Variants in SLX4IP observed in about 807,000 individuals in gnomAD.
SLX4IP encodes protein SLX4IP.
Under a neutral mutation model 32.9 loss-of-function variants are expected in SLX4IP, and 34 were observed. That is an observed-to-expected ratio of 1.03 (90% CI 0.79 to 1.38). The LOEUF is 1.38. Among genes scored for constraint, SLX4IP ranks in the 40% most tolerant of loss-of-function variants. The pLI is 0.00. For missense variants in SLX4IP, 444 were observed against 479.0 expected (o/e 0.93, Z 0.68); for synonymous variants, 172 against 171.7 (o/e 1.00, Z -0.01).
chr20:10,601,065 AT>A (rs2066836144), intron 5 of SLX4IP, among the ~76,000 whole-genome samples: 1 of 152,184 alleles, frequency 6.6e-6, no homozygotes, highest in Non-Finnish European at 1.5e-5. Context: ...CAGTTCAGTG[AT>A]TTATTCAGTC....
chr20:10,626,256 G>C lies in SLX4IP; in HGVS notation c.*2877G>C, dbSNP rs893660536. ...TCACCGTGTTGGCCAGGGTGGTCTC[G>C]ATCTCCTGACTCGTGATCCGCCCGC... On this transcript the variant is annotated 3_prime_UTR_variant, in exon 8 of 8. Transcript: ENST00000334534. The C allele has an allele frequency of 7.6e-6, 1 of 132,120 alleles. No homozygotes were observed. The highest frequency in any genetic ancestry group is 5.0e-3 in the Middle Eastern group (1 of 202). The allele number at this position is 132,120 out of a possible 1,614,324, so 8.2% of individuals were successfully genotyped here. A position where few individuals can be genotyped will look rare whatever the true frequency, so the allele number is the denominator to read the frequency against.
chr20:10,588,576 T>TA (rs941962275), intron 4 of SLX4IP, among the ~76,000 whole-genome samples: 2 of 152,126 alleles, frequency 1.3e-5, no homozygotes, highest in Non-Finnish European at 2.9e-5. Flanking sequence ...TACTCAGCCA[T>TA]AAAAAAAGAA....
intron 2 of SLX4IP, among the ~76,000 whole-genome samples, chr20:10,505,055 G>A (rs992412615): frequency 2.6e-5 from 4 of 152,136 alleles, no homozygotes; most frequent in Non-Finnish European, 5.9e-5. Context: ...GTGGCATTTC[G>A]TGTTGCAACA....
chr20:10,524,949 C>A (rs547902441), intron 2 of SLX4IP, among the ~76,000 whole-genome samples: 2 of 152,320 alleles, frequency 1.3e-5, no homozygotes, highest in East Asian at 3.9e-4. Context: ...GGTTACGTAA[C>A]AGCCACTTAA....
At chr20:10,488,298 C>T (rs1027461277) in intron 2 of SLX4IP, among the ~76,000 whole-genome samples, 2 of 152,098 alleles carry the variant, frequency 1.3e-5, no homozygotes, top group Admixed American at 1.3e-4. Context: ...AGACAGCACA[C>T]ACAGAGGGAA....
At chr20:10,564,784 A>G (rs1220876715) in intron 4 of SLX4IP, among the ~76,000 whole-genome samples, 2 of 152,210 alleles carry the variant, frequency 1.3e-5, no homozygotes, top group Non-Finnish European at 2.9e-5. Context: ...CAGTATCAGT[A>G]AAAATTAATG....
intron 2 of SLX4IP, among the ~76,000 whole-genome samples, chr20:10,524,964 TATC>T (rs542114042): frequency 1.5e-3 from 236 of 152,286 alleles, no homozygotes; most frequent in Non-Finnish European, 2.9e-3. Context: ...ACTTAACTAG[TATC>T]ATTGTCTTCA....
At chr20:10,611,466 T>C (rs1252867290) in intron 6 of SLX4IP, among the ~76,000 whole-genome samples, 1 of 152,208 alleles carries the variant, frequency 6.6e-6, no homozygotes, top group Non-Finnish European at 1.5e-5. Context: ...GATTCCACTG[T>C]GTTGGCTTCA....
chr20:10,441,476 A>G (rs976069299), intron 1 of SLX4IP, among the ~76,000 whole-genome samples: 1 of 152,112 alleles, frequency 6.6e-6, no homozygotes, highest in African/African-American at 2.4e-5. Flanking sequence ...AATTTTGCCT[A>G]TTAGTAAAGC....
At chr20:10,597,446 G>T (rs2066784239) in intron 4 of SLX4IP, among the ~76,000 whole-genome samples, 1 of 152,202 alleles carries the variant, frequency 6.6e-6, no homozygotes, top group Admixed American at 6.5e-5. Context: ...AATTAAGCTG[G>T]CACTTTCTGT....
intron 2 of SLX4IP, among the ~76,000 whole-genome samples, chr20:10,515,887 G>C (rs1283684861): frequency 6.6e-6 from 1 of 152,044 alleles, no homozygotes; most frequent in Non-Finnish European, 1.5e-5. Flanking sequence ...AGGTTTTTTT[G>C]TTGTTGTGGT....
chr20:10,570,090 TG>T (rs2066444657), intron 4 of SLX4IP, among the ~76,000 whole-genome samples: 1 of 152,168 alleles, frequency 6.6e-6, no homozygotes, highest in Non-Finnish European at 1.5e-5. Context: ...AGCTCTGGGG[TG>T]CACCACTCTG....
At chr20:10,579,421 T>A (rs2066557947) in intron 4 of SLX4IP, among the ~76,000 whole-genome samples, 1 of 152,078 alleles carries the variant, frequency 6.6e-6, no homozygotes, top group South Asian at 2.1e-4. Flanking sequence ...TTTTTTTCTT[T>A]TCTTTTTTCT....
At chr20:10,557,639 A>G (rs2066280994) in intron 3 of SLX4IP, among the ~76,000 whole-genome samples, 1 of 152,180 alleles carries the variant, frequency 6.6e-6, no homozygotes, top group African/African-American at 2.4e-5. Context: ...TAAATTAACA[A>G]TGTTATGGAA....
chr20:10,473,972 G>A (rs886522958), intron 2 of SLX4IP, among the ~76,000 whole-genome samples: 4 of 152,024 alleles, frequency 2.6e-5, no homozygotes, highest in East Asian at 1.9e-4. Flanking sequence ...ACAGACACAC[G>A]CCACCATGCC....
chr20:10,525,418 C>G (rs1195244595), intron 2 of SLX4IP, among the ~76,000 whole-genome samples: 1 of 152,182 alleles, frequency 6.6e-6, no homozygotes, highest in Non-Finnish European at 1.5e-5. Flanking sequence ...GAAGCTTCCC[C>G]TCTTTCCCTT....
At chr20:10,486,132 T>C (rs2065571299) in intron 2 of SLX4IP, among the ~76,000 whole-genome samples, 1 of 152,172 alleles carries the variant, frequency 6.6e-6, no homozygotes, top group Non-Finnish European at 1.5e-5. Context: ...TAGTTCTTAG[T>C]TTTCTTTTTG....
chr20:10,579,763 C>T (rs1568752025), intron 4 of SLX4IP, among the ~76,000 whole-genome samples: 1 of 152,198 alleles, frequency 6.6e-6, no homozygotes, highest in Non-Finnish European at 1.5e-5. Context: ...TATGCCAATA[C>T]TGCACTGTCT....
intron 4 of SLX4IP, among the ~76,000 whole-genome samples, chr20:10,592,830 C>T (rs2066726942): frequency 6.6e-6 from 1 of 151,836 alleles, no homozygotes; most frequent in African/African-American, 2.4e-5. Context: ...GACAGGGTTT[C>T]ACCATGTGAG....
Sources: allele counts gnomAD v4.1 joint callset (sites outside exome capture counted in the v4.1 genomes callset), GRCh38; gene constraint gnomAD v4.1.1; transcripts MANE v1.5; gene names NCBI Gene and HGNC (gene_info 2026-07-23, HGNC 2026-07-21).